TRERF1: variants seen among roughly 807,000 people sequenced by gnomAD.
TRERF1 encodes the protein transcriptional regulating factor 1, also known as transcriptional-regulating factor 1.
A neutral mutation model predicts 122.9 loss-of-function variants in TRERF1; 27 were observed. That is an observed-to-expected ratio of 0.22 (90% CI 0.16 to 0.30). The LOEUF is 0.30. TRERF1 is among the 10% of genes least tolerant of loss of function. The pLI is 1.00. For synonymous variants in TRERF1, 636 were observed against 641.7 expected, an observed-to-expected ratio of 0.99 and a Z score of 0.13; for missense variants, 1,248 against 1,560.3, an observed-to-expected ratio of 0.80 and a Z score of 3.37.
At chr6:42,346,109 G>A (rs919685978) in intron 3 of TRERF1, among the ~76,000 whole-genome samples, 28 of 152,364 alleles carry the variant, frequency 1.8e-4, no homozygotes, top group African/African-American at 6.5e-4. Context: ...AATGAGGTAA[G>A]TGTGGGCAAG....
At chr6:42,422,933 G>A (rs187561402) in intron 2 of TRERF1, among the ~76,000 whole-genome samples, 5 of 152,190 alleles carry the variant, frequency 3.3e-5, no homozygotes, top group African/African-American at 9.6e-5. Context: ...TCCATCTCCC[G>A]GGTTCAAGTG....
rs766048222 is a variant in TRERF1 at position 42,416,605 on chromosome 6, G to A, written c.-454+34572C>T. ...GTTCTAATTATGTTATTAGAATGTC[G>A]CATCTTCAGTATTCAAAACAGAGAC... On this transcript the variant is annotated intron_variant, in intron 2 of 17. Transcript: ENST00000372922. 2.6e-5 allele frequency among the ~76,000 whole-genome samples: 4 copies of A among 152,120 alleles called. 1 individual carries two copies. Among genetic ancestry groups the A allele is most frequent in the Admixed American group, 2.0e-4 (3 of 15,276 alleles).
At position 42,269,158 on chromosome 6, in the gene TRERF1, A is replaced by C; in HGVS notation, c.433T>G (p.Ser145Ala). ...TGGTTGGCAAACACCTGGGTGAAAG[A>C]GTCCAGCTTGTGTAAGACACCGCTG... The change falls in exon 5 of 18, where the codon TCT (serine) becomes GCT (alanine). Residue 145 changes from serine (S) to alanine (A), a missense_variant. Physicochemically the swap from Ser to Ala is moderately conservative, Grantham distance 99. Around this residue, in one of 5 missense-constraint regions of TRERF1, gnomAD observed 946 missense variants for 1,073.0 expected, o/e 0.88. Transcript: ENST00000372922. The surrounding 1 kb of genome is among the most constrained non-coding windows in gnomAD (Gnocchi z 4.9). 1 of 1,614,222 alleles carries C rather than the reference A, an allele frequency of 6.2e-7. No homozygotes were observed. Among genetic ancestry groups the C allele is most frequent in the Non-Finnish European group, 8.5e-7 (1 of 1,180,028 alleles).
At chr6:42,350,986 C>T (rs1025596434) in intron 3 of TRERF1, among the ~76,000 whole-genome samples, 10 of 152,014 alleles carry the variant, frequency 6.6e-5, no homozygotes, top group African/African-American at 2.4e-4. Flanking sequence ...CTCTCTCCCT[C>T]TCTCTCACAC....
At chr6:42,423,234 A>C (rs1463045606) in intron 2 of TRERF1, among the ~76,000 whole-genome samples, 1 of 152,202 alleles carries the variant, frequency 6.6e-6, no homozygotes, top group Non-Finnish European at 1.5e-5. Flanking sequence ...TCTACTCGAA[A>C]AGCTGGTTCT....
chr6:42,238,815 C>A (rs1772873255), intron 15 of TRERF1, among the ~76,000 whole-genome samples: 1 of 146,826 alleles, frequency 6.8e-6, no homozygotes, highest in South Asian at 2.3e-4. Flanking sequence ...ACATTGAATG[C>A]CTGCTGAGAA....
intron 3 of TRERF1, among the ~76,000 whole-genome samples, chr6:42,303,904 T>TAAAAAAAAAAAAAAAAAAAAA (rs60880174): frequency 1.4e-5 from 1 of 69,262 alleles, no homozygotes; most frequent in South Asian, 5.9e-4. Context: ...CACTGTCTCA[T>TAAAAAAAAAAAAAAAAAAAAA]AAAAAAAAAA....
intron 17 of TRERF1, among the ~76,000 whole-genome samples, chr6:42,231,995 T>C (rs1770636736): frequency 6.6e-6 from 1 of 152,236 alleles, no homozygotes; most frequent in Admixed American, 6.5e-5. Context: ...ACATAAAGCA[T>C]GTAACAAAGT....
intron 3 of TRERF1, among the ~76,000 whole-genome samples, chr6:42,347,447 G>C (rs1235286721): frequency 1.3e-5 from 2 of 152,156 alleles, no homozygotes; most frequent in Non-Finnish European, 2.9e-5. Context: ...GGGCAAGGAT[G>C]GTGTAGAGGT....
intron 13 of TRERF1, among the ~76,000 whole-genome samples, chr6:42,250,206 C>A (rs58554774): frequency 0.044 from 6,732 of 152,192 alleles, 510 homozygotes; most frequent in African/African-American, 0.15. Context: ...ATGTTTTGAA[C>A]CTTCACTGGC....
chr6:42,382,652 T>G (rs1436808572), intron 2 of TRERF1, among the ~76,000 whole-genome samples: 3 of 151,984 alleles, frequency 2.0e-5, no homozygotes, highest in Non-Finnish European at 4.4e-5. Flanking sequence ...CATAAAAGAG[T>G]GTCCAAAATG....
intron 2 of TRERF1, among the ~76,000 whole-genome samples, chr6:42,429,941 T>C (rs1157816557): frequency 1.3e-5 from 2 of 152,094 alleles, no homozygotes; most frequent in Admixed American, 6.6e-5. Flanking sequence ...GACAGACTTC[T>C]GAGCCAAGAC....
chr6:42,267,846 A>G (rs1301060591), intron 5 of TRERF1, among the ~76,000 whole-genome samples: 1 of 152,194 alleles, frequency 6.6e-6, no homozygotes, highest in African/African-American at 2.4e-5. Context: ...TGAGACACCA[A>G]CACTGTGTGG....
intron 3 of TRERF1, among the ~76,000 whole-genome samples, chr6:42,356,229 A>C (rs1407526736): frequency 6.6e-6 from 1 of 152,184 alleles, no homozygotes; most frequent in African/African-American, 2.4e-5. Context: ...AGGCACCACA[A>C]ATAAAGACTC....
rs913860145 is a variant in TRERF1, at chr6:42,419,086, T to C, written c.-454+32091A>G. 3.9e-5 allele frequency among the ~76,000 whole-genome samples: 6 copies of C among 152,162 alleles called. No homozygotes were observed. The East Asian group carries it at 1.2e-3, about 29-fold the overall frequency. ...GCACTTAACCAGTGAGAATCCCATATCCAGGATGGCCCGTGCCAGAGAAAA... is the reference window on the plus strand; with the variant it reads ...GCACTTAACCAGTGAGAATCCCATACCCAGGATGGCCCGTGCCAGAGAAAA... On this transcript the variant is annotated intron_variant, in intron 2 of 17. Coordinates refer to ENST00000372922, the Ensembl canonical transcript of TRERF1.
chr6:42,328,007 T>TC (rs200820785), intron 3 of TRERF1, among the ~76,000 whole-genome samples: 4 of 106,856 alleles, frequency 3.7e-5, no homozygotes, highest in South Asian at 6.3e-4. Context: ...TTTCTTTCTT[T>TC]TTTTTTTTTT....
rs751381708 is a variant in TRERF1 at position 42,259,386 on chromosome 6, G to C, written c.2222C>G (p.Pro741Arg). The C allele has an allele frequency of 2.6e-6, 4 of 1,525,756 alleles. No homozygotes were observed. Among genetic ancestry groups the C allele is most frequent in the Non-Finnish European group, 3.5e-6 (4 of 1,146,732 alleles). The allele number at this position is 1,525,756 out of a possible 1,614,324, so 94.5% of individuals were successfully genotyped here. ...TGGTGTGGGCGTCAGGGGCGTCAGG[G>C]GCAGCTGCGGGTGGGCGCCAGGGCC... is the stretch of plus-strand genomic sequence containing the variant. The change falls in exon 9 of 18, where the codon CCC (proline) becomes CGC (arginine). Residue 741 changes from proline to arginine, a missense_variant. Pro to Arg is a moderately radical substitution (Grantham distance 103). Around this residue, in one of 5 missense-constraint regions of TRERF1, gnomAD observed 946 missense variants for 1,073.0 expected, o/e 0.88. Transcript: ENST00000372922. This position sits in a 1 kb window ranked among gnomAD's most constrained non-coding sequence, Gnocchi z 4.9.
At chr6:42,300,192 G>T (rs1220685111) in intron 4 of TRERF1, among the ~76,000 whole-genome samples, 1 of 152,194 alleles carries the variant, frequency 6.6e-6, no homozygotes, top group East Asian at 1.9e-4. Flanking sequence ...TCCAACACTG[G>T]CTGGAAACTG....
At chr6:42,226,443 G>C (rs963596752) in exon 18 of TRERF1, 5 of 152,242 alleles carry the variant, frequency 3.3e-5, no homozygotes, top group African/African-American at 1.2e-4. Context: ...TAATGGTTCG[G>C]CCACAAAGTT....
Sources: allele counts gnomAD v4.1 joint callset (sites outside exome capture counted in the v4.1 genomes callset), GRCh38; gene constraint gnomAD v4.1.1; regional missense constraint gnomAD v4.1.1; non-coding constraint Gnocchi (gnomAD v3.1); transcripts MANE v1.5; gene names NCBI Gene and HGNC (gene_info 2026-07-23, HGNC 2026-07-21).